Variants in NCAM2 observed in about 807,000 individuals in gnomAD.
NCAM2 encodes the protein neural cell adhesion molecule 2.
NCAM2 carries 30 observed loss-of-function variants against 98.1 expected under a neutral mutation model. The ratio of observed to expected loss-of-function variants is 0.31; its 90% CI spans 0.23 to 0.41. The LOEUF is 0.41. Among genes scored for constraint, NCAM2 ranks in the 10% least tolerant of loss-of-function variants. NCAM2 has a pLI of 1.00. For synonymous variants in NCAM2, 368 were observed against 342.4 expected, an observed-to-expected ratio of 1.07 and a Z score of -0.83; for missense variants, 867 against 1,005.8, an observed-to-expected ratio of 0.86 and a Z score of 1.87.
chr21:21,322,986 G>C (rs192319364), intron 5 of NCAM2, among the ~76,000 whole-genome samples: 17 of 152,134 alleles, frequency 1.1e-4, no homozygotes, highest in Admixed American at 1.1e-3. Context: ...AACTTTCCAG[G>C]AAGCGTTGAC....
At chr21:21,119,539 C>G in intron 1 of NCAM2, among the ~76,000 whole-genome samples, 1 of 142,192 alleles carries the variant, frequency 7.0e-6, no homozygotes. Context: ...GCTAGAATCA[C>G]TCATAGTTTA....
chr21:21,108,265 C>T (rs1343715022), intron 1 of NCAM2, among the ~76,000 whole-genome samples: 1 of 151,800 alleles, frequency 6.6e-6, no homozygotes, highest in Non-Finnish European at 1.5e-5. Context: ...GTACTGTGTG[C>T]CAGGCTTTAA....
At chr21:21,079,914 C>G (rs1601305150) in intron 1 of NCAM2, among the ~76,000 whole-genome samples, 1 of 152,150 alleles carries the variant, frequency 6.6e-6, no homozygotes. Flanking sequence ...TTTTCTGTTC[C>G]TTGTCCTTAA....
intron 1 of NCAM2, among the ~76,000 whole-genome samples, chr21:21,114,113 A>C (rs560834665): frequency 6.6e-6 from 1 of 152,260 alleles, no homozygotes; most frequent in South Asian, 2.1e-4. Context: ...CAAAGAAAAA[A>C]ATTATTTTCT....
intron 12 of NCAM2, among the ~76,000 whole-genome samples, chr21:21,444,665 G>C (rs1377764886): frequency 6.6e-6 from 1 of 152,090 alleles, no homozygotes; most frequent in Non-Finnish European, 1.5e-5. Flanking sequence ...GAATTTCTGT[G>C]GGATCAGTGG....
At chr21:21,396,373 A>G (rs1602213182) in intron 9 of NCAM2, among the ~76,000 whole-genome samples, 2 of 152,194 alleles carry the variant, frequency 1.3e-5, no homozygotes, top group South Asian at 4.1e-4. Flanking sequence ...TAGCACATAC[A>G]TGGTGAAAGT....
intron 1 of NCAM2, among the ~76,000 whole-genome samples, chr21:21,070,729 G>A (rs947198735): frequency 7.2e-5 from 11 of 152,096 alleles, no homozygotes; most frequent in Non-Finnish European, 1.5e-4. Flanking sequence ...AAATGTGCCT[G>A]ATTAACTAAA....
chr21:21,194,500 A>G (rs2146983156), intron 1 of NCAM2, among the ~76,000 whole-genome samples: 1 of 152,290 alleles, frequency 6.6e-6, no homozygotes, highest in South Asian at 2.1e-4. Flanking sequence ...AGTTTACACT[A>G]GTAAGGGGCA....
chr21:21,105,026 ACC>A (rs1259313438), intron 1 of NCAM2, among the ~76,000 whole-genome samples: 1 of 152,108 alleles, frequency 6.6e-6, no homozygotes, highest in Admixed American at 6.6e-5. Flanking sequence ...AGAGGTTGCT[ACC>A]CTAGCCAACA....
At chr21:21,249,384 T>C (rs754180651) in intron 1 of NCAM2, among the ~76,000 whole-genome samples, 23 of 152,152 alleles carry the variant, frequency 1.5e-4, no homozygotes, top group Non-Finnish European at 1.0e-4. Context: ...TCATAACTGC[T>C]GGAACCCCAG....
intron 1 of NCAM2, among the ~76,000 whole-genome samples, chr21:21,043,929 G>C (rs2064958822): frequency 1.3e-5 from 2 of 151,202 alleles, no homozygotes; most frequent in Admixed American, 1.3e-4. Context: ...TAAAAATGTA[G>C]ATTATGAAAT....
intron 1 of NCAM2, among the ~76,000 whole-genome samples, chr21:21,070,147 A>G (rs2065529510): frequency 1.3e-5 from 2 of 152,106 alleles, no homozygotes; most frequent in African/African-American, 2.4e-5. Flanking sequence ...GGAGAAACTT[A>G]TAAAGATCAA....
intron 1 of NCAM2, among the ~76,000 whole-genome samples, chr21:21,197,721 C>T (rs2069055747): frequency 6.6e-6 from 1 of 152,128 alleles, no homozygotes; most frequent in South Asian, 2.1e-4. Context: ...CTTACCAATT[C>T]CCTTCCAACT....
At chr21:21,392,138 T>G (rs1410222745) in intron 9 of NCAM2, among the ~76,000 whole-genome samples, 1 of 152,136 alleles carries the variant, frequency 6.6e-6, no homozygotes, top group African/African-American at 2.4e-5. Context: ...TGTGTGTTGT[T>G]CCCCTGTATG....
intron 1 of NCAM2, among the ~76,000 whole-genome samples, chr21:21,155,834 T>G (rs2067594540): frequency 1.3e-5 from 2 of 151,950 alleles, no homozygotes; most frequent in African/African-American, 4.8e-5. Context: ...CAAAATAAGT[T>G]TTTAAAAAAT....
chr21:21,537,695 G>A (rs1990055801), intron 17 of NCAM2, 151 bp from the exon 18 acceptor site: 5 of 390,916 alleles, frequency 1.3e-5, no homozygotes, highest in Admixed American at 4.5e-5. Context: ...ATTGTAGCAC[G>A]TTTTCTCTAT....
intron 15 of NCAM2, among the ~76,000 whole-genome samples, chr21:21,505,656 C>T (rs1987935016): frequency 2.0e-5 from 3 of 151,710 alleles, no homozygotes; most frequent in South Asian, 4.2e-4. Context: ...AGATAGTCTT[C>T]CACTTTAGAT....
chr21:21,344,730 C>T (rs1602051226), intron 8 of NCAM2, among the ~76,000 whole-genome samples: 1 of 152,274 alleles, frequency 6.6e-6, no homozygotes, highest in East Asian at 1.9e-4. Context: ...AGGATGCAGG[C>T]CTGACTGGCT....
intron 5 of NCAM2, among the ~76,000 whole-genome samples, chr21:21,295,425 TGAA>T (rs943300555): frequency 6.6e-6 from 1 of 151,776 alleles, no homozygotes; most frequent in Non-Finnish European, 1.5e-5. Flanking sequence ...TCCCCTCCCT[TGAA>T]GAAGATTATA....
Sources: gnomAD v4.1 joint callset for allele counts (sites outside exome capture counted in the v4.1 genomes callset) on GRCh38, gnomAD v4.1.1 for gene constraint, MANE v1.5 for transcripts, NCBI Gene and HGNC (gene_info 2026-07-23, HGNC 2026-07-21) for gene names.